ASZ1: variants seen among roughly 807,000 people sequenced by gnomAD.
The protein encoded by ASZ1 is ankyrin repeat, SAM and basic leucine zipper domain containing 1.
Under a neutral mutation model 61.8 loss-of-function variants are expected in ASZ1, and 67 were observed. The ratio of observed to expected loss-of-function variants is 1.08; its 90% confidence interval spans 0.89 to 1.33. ASZ1 has a LOEUF of 1.33. Among genes scored for constraint, ASZ1 ranks in the 40% most tolerant of loss-of-function variants. The pLI is 0.00. For synonymous variants in ASZ1, 193 were observed against 192.7 expected, an observed-to-expected ratio of 1.00 and a Z score of -0.01; for missense variants, 577 against 554.5, an observed-to-expected ratio of 1.04 and a Z score of -0.41.
intron 2 of ASZ1, among the ~76,000 whole-genome samples, chr7:117,425,215 T>A (rs1319795306): frequency 1.3e-5 from 2 of 151,904 alleles, no homozygotes; most frequent in African/African-American, 2.4e-5. Context: ...CAATTATTTT[T>A]GCATCAAACT....
At chr7:117,413,908 T>A (rs1300985108) in intron 4 of ASZ1, among the ~76,000 whole-genome samples, 1 of 152,100 alleles carries the variant, frequency 6.6e-6, no homozygotes, top group Non-Finnish European at 1.5e-5. Context: ...ACCAAAATTG[T>A]GAGGGAATCT....
chr7:117,422,428 C>T (rs1183410447), intron 2 of ASZ1, 69 bp from the exon 3 acceptor site: 7 of 1,518,880 alleles, frequency 4.6e-6, no homozygotes, highest in Non-Finnish European at 6.2e-6. Flanking sequence ...ACCTTATATG[C>T]TTAAAGTACT....
intron 4 of ASZ1, among the ~76,000 whole-genome samples, chr7:117,404,470 C>T (rs1359860797): frequency 6.8e-6 from 1 of 147,570 alleles, no homozygotes; most frequent in Non-Finnish European, 1.5e-5. Context: ...ATACCTCTTA[C>T]TTATGCAGTT....
chr7:117,402,916 T>C (rs1796707678), intron 4 of ASZ1, among the ~76,000 whole-genome samples: 1 of 151,450 alleles, frequency 6.6e-6, no homozygotes, highest in Admixed American at 6.6e-5. Flanking sequence ...GCAACCTCCA[T>C]TACTAACCCA....
At chr7:117,392,683 G>A (rs1562852520) in intron 4 of ASZ1, among the ~76,000 whole-genome samples, 1 of 152,034 alleles carries the variant, frequency 6.6e-6, no homozygotes, top group Non-Finnish European at 1.5e-5. Context: ...TTCATACAAT[G>A]TTTTAATTTG....
In ASZ1 at chr7:117,382,092, C is replaced by T. The variant is rs781482198; in HGVS notation, c.865G>A (p.Glu289Lys). Residue 289 changes from glutamate to lysine, a missense_variant, in exon 8 of 13, where the codon GAA becomes AAA. Glu to Lys is a moderately conservative substitution (Grantham distance 56). Coordinates refer to ENST00000284629, the MANE Select transcript of ASZ1 (RefSeq NM_130768.3). ...LEVFLHGLGL[E>K]HMTDLLKERD... ...ACCTTTAGTAAATCTGTCATATGTT[C>T]AAGTCCAAGACCATGTAAAAATACT... 1.0e-5 allele frequency: 16 copies of T among 1,595,082 alleles called. No individual in the cohort carries two copies. The highest frequency in any genetic ancestry group is 1.3e-5 in the Non-Finnish European group (15 of 1,163,486).
At chr7:117,422,080 T>G (rs1046004389) in intron 3 of ASZ1, among the ~76,000 whole-genome samples, 157 bp downstream of exon 3, 3 of 152,212 alleles carry the variant, frequency 2.0e-5, no homozygotes, top group Non-Finnish European at 2.9e-5. Flanking sequence ...TCAGAATATG[T>G]ATGGTTTCTA....
At position 117,422,298 on chromosome 7, in the gene ASZ1, A is replaced by G; in HGVS notation, c.267T>C (p.Val89=). 1 of 1,613,878 alleles carries G rather than the reference A, an allele frequency of 6.2e-7. No homozygotes were observed. The highest frequency in any genetic ancestry group is 8.5e-7 in the Non-Finnish European group (1 of 1,179,788). The change falls in exon 3 of 13, where the codon GTT becomes GTC. Residue 89 remains valine, a synonymous_variant. Coordinates refer to ENST00000284629, the MANE Select transcript of ASZ1 (RefSeq NM_130768.3). The part of the protein sequence containing the change: ...GWTPLMYAAS[V]ANAELVRVLL... ...GGACCCGAACCAGCTCTGCATTGGC[A>G]ACACTAGCAGCATACATAAGGGGAG...
At chr7:117,409,017 TTA>T (rs1158361236) in intron 4 of ASZ1, among the ~76,000 whole-genome samples, 7 of 152,108 alleles carry the variant, frequency 4.6e-5, no homozygotes, top group African/African-American at 1.7e-4. Flanking sequence ...TCAAGTGGCA[TTA>T]TATAATGTTT....
At chr7:117,370,804 TTG>T (rs3138784) in intron 10 of ASZ1, among the ~76,000 whole-genome samples, 15,170 of 133,006 alleles carry the variant, frequency 0.11, 1,178 homozygotes, top group East Asian at 0.34. Flanking sequence ...CCAAAGGTAA[TTG>T]TGTGTGTGTG....
intron 8 of ASZ1, 99 bp from the exon 9 acceptor site, chr7:117,381,166 A>G (rs539593129): frequency 1.5e-5 from 16 of 1,059,170 alleles, no homozygotes; most frequent in Non-Finnish European, 2.2e-5. Flanking sequence ...TTCACTCTGA[A>G]GCAAATTCCA....
chr7:117,366,721 A>C (rs866957917), intron 12 of ASZ1, among the ~76,000 whole-genome samples: 1 of 152,072 alleles, frequency 6.6e-6, no homozygotes, highest in Non-Finnish European at 1.5e-5. Flanking sequence ...AAAACAGTTA[A>C]ATTATAAAAA....
Position 117,427,413 on chromosome 7 carries a change from C to CT in ASZ1, c.47dup (p.Ser17GlufsTer2). ...AGCCATCATCCTCGCTCTCGCTACT[C>CT]TCGCCTCCGCCAGCCACTGGCAGGC... On this transcript the variant is annotated frameshift_variant, in exon 1 of 13. Transcript: ENST00000284629. LOFTEE classifies it high-confidence loss of function. 6.2e-7 allele frequency: 1 copy of CT among 1,614,098 alleles called. No homozygotes were observed. The highest frequency in any genetic ancestry group is 2.2e-5 in the East Asian group (1 of 44,880).
chr7:117,375,342 T>C lies in ASZ1; in HGVS notation c.1055+4596A>G, dbSNP rs80311560. 7.0e-3 allele frequency among the ~76,000 whole-genome samples: 1,070 copies of C among 152,200 alleles called. 15 individuals are homozygous for C. The highest frequency in any genetic ancestry group is 0.025 in the African/African-American group (1,027 of 41,554). On this transcript the variant is annotated intron_variant, in intron 10 of 12. Transcript: ENST00000284629. ...TTTATTCTGGACCTTATATTTCTAT[T>C]AATGCAGCCTAACAGTGCTAGCTTT...
chr7:117,420,720 T>C (rs954094157), intron 3 of ASZ1, among the ~76,000 whole-genome samples: 2 of 152,244 alleles, frequency 1.3e-5, no homozygotes, highest in Non-Finnish European at 2.9e-5. Flanking sequence ...GACTGCCACA[T>C]CCATTGGTTT....
intron 4 of ASZ1, among the ~76,000 whole-genome samples, chr7:117,393,456 T>A (rs1477517982): frequency 2.6e-5 from 4 of 152,172 alleles, no homozygotes; most frequent in Non-Finnish European, 4.4e-5. Context: ...GTTGCTTCTA[T>A]CAATATCATT....
At chr7:117,423,689 C>CAAAAAAAAAAAAAA (rs60144830) in intron 2 of ASZ1, among the ~76,000 whole-genome samples, 2 of 76,462 alleles carry the variant, frequency 2.6e-5, no homozygotes, top group Admixed American at 1.5e-4. Flanking sequence ...ACTAAAAATA[C>CAAAAAAAAAAAAAA]AAAAAAAAAA....
At chr7:117,401,311 C>G (rs1260386923) in intron 4 of ASZ1, among the ~76,000 whole-genome samples, 1 of 150,134 alleles carries the variant, frequency 6.7e-6, no homozygotes, top group African/African-American at 2.4e-5. Flanking sequence ...ATACATCAAA[C>G]AACAGATTTA....
At chr7:117,419,798 T>C (rs1267803055) in intron 4 of ASZ1, among the ~76,000 whole-genome samples, 1 of 152,198 alleles carries the variant, frequency 6.6e-6, no homozygotes, top group Non-Finnish European at 1.5e-5. Context: ...CTTAGTATTT[T>C]TGTAAAATTG....
Sources: gnomAD v4.1 joint callset for allele counts (sites outside exome capture counted in the v4.1 genomes callset) on GRCh38, gnomAD v4.1.1 for gene constraint, MANE v1.5 for transcripts, NCBI Gene and HGNC (gene_info 2026-07-23, HGNC 2026-07-21) for gene names.